Variants in ADARB2 observed in about 807,000 individuals in gnomAD.
ADARB2 encodes the protein inactive double-stranded RNA-specific editase B2.
In ADARB2, 25 loss-of-function variants were observed where a neutral mutation model predicts 62.2. The observed-to-expected ratio is 0.40, with a 90% CI of 0.29 to 0.56. The LOEUF is 0.56. Among genes scored for constraint, ADARB2 ranks in the 20% least tolerant of loss-of-function variants. ADARB2 has a pLI of 0.43. For synonymous variants in ADARB2, 572 were observed against 500.8 expected, an observed-to-expected ratio of 1.14 and a Z score of -1.90; for missense variants, 1,071 against 1,077.4, an observed-to-expected ratio of 0.99 and a Z score of 0.08.
chr10:1,333,962 C>T (rs530730449), intron 3 of ADARB2, among the ~76,000 whole-genome samples: 23 of 152,320 alleles, frequency 1.5e-4, no homozygotes, highest in African/African-American at 4.3e-4. Context: ...TTTTTACAAA[C>T]GCCCGTAGCC....
At chr10:1,408,291 C>A (rs188611832) in intron 1 of ADARB2, among the ~76,000 whole-genome samples, 1 of 152,198 alleles carries the variant, frequency 6.6e-6, no homozygotes, top group South Asian at 2.1e-4. Flanking sequence ...TATCCCACAG[C>A]ATGGTCGACC....
intron 1 of ADARB2, among the ~76,000 whole-genome samples, chr10:1,521,243 G>A (rs1411974248): frequency 1.3e-5 from 2 of 152,126 alleles, no homozygotes; most frequent in African/African-American, 4.8e-5. Flanking sequence ...AGATGAGTTG[G>A]GTCCCAGGCA....
chr10:1,391,481 C>A (rs1375587248), intron 1 of ADARB2, among the ~76,000 whole-genome samples: 1 of 152,176 alleles, frequency 6.6e-6, no homozygotes, highest in African/African-American at 2.4e-5. Context: ...GGCCCAACCA[C>A]ACATGCCTTG....
intron 1 of ADARB2, among the ~76,000 whole-genome samples, chr10:1,579,475 A>G (rs1006840249): frequency 1.3e-5 from 2 of 152,256 alleles, no homozygotes; most frequent in East Asian, 3.9e-4. Flanking sequence ...AGAGATTGTG[A>G]CTCAGCTGTA....
At position 1,259,780 on chromosome 10, in the gene ADARB2, C is replaced by T. The variant is rs112526358; in HGVS notation, c.1192+11175G>A. ...ATTCCAATCAATAGAAAAAGAGGGA[C>T]TCCTCCCTAACTCATTTTAGGAGGC... is the stretch of plus-strand genomic sequence containing the variant. On this transcript the variant is annotated intron_variant, in intron 4 of 9. Transcript: ENST00000381312. 2.6e-5 allele frequency among the ~76,000 whole-genome samples: 4 copies of T among 152,288 alleles called. No homozygotes were observed. In the East Asian group the frequency reaches 7.7e-4, roughly 29 times the overall value.
intron 1 of ADARB2, among the ~76,000 whole-genome samples, chr10:1,566,770 T>C (rs1832865912): frequency 6.6e-6 from 1 of 152,258 alleles, no homozygotes; most frequent in African/African-American, 2.4e-5. Context: ...TATCTACATA[T>C]AACGATTTTA....
chr10:1,297,973 A>C (rs757934072), intron 3 of ADARB2, among the ~76,000 whole-genome samples: 32 of 152,216 alleles, frequency 2.1e-4, no homozygotes, highest in Non-Finnish European at 3.7e-4. Flanking sequence ...TTGAGAGAAT[A>C]AACTTCTGTC....
chr10:1,298,395 G>T (rs1473244634), intron 3 of ADARB2, among the ~76,000 whole-genome samples: 1 of 152,170 alleles, frequency 6.6e-6, no homozygotes, highest in Non-Finnish European at 1.5e-5. Flanking sequence ...GATCCCGGGG[G>T]CACATCCCAG....
At chr10:1,543,542 C>T (rs1051014197) in intron 1 of ADARB2, among the ~76,000 whole-genome samples, 1 of 152,190 alleles carries the variant, frequency 6.6e-6, no homozygotes, top group Non-Finnish European at 1.5e-5. Flanking sequence ...CGTCCATTGC[C>T]GCATTTATTC....
chr10:1,311,721 G>A (rs1831692836), intron 3 of ADARB2, among the ~76,000 whole-genome samples: 1 of 152,294 alleles, frequency 6.6e-6, no homozygotes, highest in Non-Finnish European at 1.5e-5. Flanking sequence ...TGCTTCTTCT[G>A]TCTCCCACTG....
chr10:1,641,529 T>C (rs1833977994), intron 1 of ADARB2, among the ~76,000 whole-genome samples: 1 of 152,204 alleles, frequency 6.6e-6, no homozygotes, highest in South Asian at 2.1e-4. Flanking sequence ...AACTCATCTG[T>C]AGTTAAAAGA....
At chr10:1,269,910 A>G (rs1369066850) in intron 4 of ADARB2, among the ~76,000 whole-genome samples, 1 of 152,110 alleles carries the variant, frequency 6.6e-6, no homozygotes, top group Non-Finnish European at 1.5e-5. Context: ...TCTGTGTCTG[A>G]AAGGGGGCCA....
At chr10:1,209,860 G>T (rs993668235) in intron 7 of ADARB2, among the ~76,000 whole-genome samples, 9 of 152,226 alleles carry the variant, frequency 5.9e-5, no homozygotes, top group African/African-American at 2.2e-4. Context: ...CAGATGATGT[G>T]TAAGGAAATG....
chr10:1,546,150 C>T (rs974023929), intron 1 of ADARB2, among the ~76,000 whole-genome samples: 4 of 152,158 alleles, frequency 2.6e-5, no homozygotes, highest in Non-Finnish European at 5.9e-5. Context: ...CTAACTCTCC[C>T]TGGTTCCTGT....
intron 1 of ADARB2, among the ~76,000 whole-genome samples, chr10:1,643,515 C>G (rs1834002119): frequency 6.6e-6 from 1 of 152,118 alleles, no homozygotes; most frequent in Non-Finnish European, 1.5e-5. Flanking sequence ...GATTTCATCC[C>G]CCAAAAAACA....
chr10:1,296,841 C>T (rs1464854355), intron 3 of ADARB2, among the ~76,000 whole-genome samples: 2 of 152,144 alleles, frequency 1.3e-5, no homozygotes, highest in Non-Finnish European at 2.9e-5. Context: ...TCCCTTTCTC[C>T]TTCCTTACTG....
intron 1 of ADARB2, among the ~76,000 whole-genome samples, chr10:1,445,464 CCCACCCATCCAT>C (rs1420095428): frequency 6.6e-6 from 1 of 151,428 alleles, no homozygotes; most frequent in African/African-American, 2.4e-5. Context: ...CACCCATCCA[CCCACCCATCCAT>C]TCACCACCCA....
At chr10:1,297,055 T>C (rs569613251) in intron 3 of ADARB2, among the ~76,000 whole-genome samples, 2 of 152,360 alleles carry the variant, frequency 1.3e-5, no homozygotes, top group South Asian at 2.1e-4. Context: ...CAAAAATAAG[T>C]ATCCTGGATT....
intron 1 of ADARB2, among the ~76,000 whole-genome samples, chr10:1,544,893 A>T (rs756512863): frequency 7.3e-5 from 11 of 151,706 alleles, no homozygotes; most frequent in Non-Finnish European, 1.5e-4. Context: ...TGTCTACATT[A>T]TATATAAAGT....
Sources: allele counts gnomAD v4.1 joint callset (sites outside exome capture counted in the v4.1 genomes callset), GRCh38; gene constraint gnomAD v4.1.1; transcripts MANE v1.5; gene names NCBI Gene and HGNC (gene_info 2026-07-23, HGNC 2026-07-21).